IL10RB: variants seen among roughly 807,000 people sequenced by gnomAD.
IL10RB encodes interleukin-10 receptor subunit beta.
In IL10RB, 30 loss-of-function variants were observed where a neutral mutation model predicts 38.7. That is an observed-to-expected ratio of 0.78 (90% CI 0.58 to 1.05). The LOEUF (loss-of-function observed/expected upper bound fraction) is 1.05. Ranked by LOEUF, IL10RB falls within the 50% of genes least tolerant of loss-of-function variation. The pLI, the probability that IL10RB is intolerant of heterozygous loss-of-function variation, is 0.00. For synonymous variants in IL10RB, 142 were observed against 145.9 expected, an observed-to-expected ratio of 0.97 and a Z score of 0.19; for missense variants, 328 against 397.1, an observed-to-expected ratio of 0.83 and a Z score of 1.48.
chr21:33,289,443 G>GT (rs397814649), intron 6 of IL10RB, among the ~76,000 whole-genome samples: 2 of 76 alleles, frequency 0.026, no homozygotes, highest in African/African-American at 0.1. Context: ...TTCCTCCGCT[G>GT]CCCTGAGGGC....
intron 6 of IL10RB, 103 bp downstream of exon 6, chr21:33,288,364 A>G (rs1989416644): frequency 1.1e-6 from 1 of 925,862 alleles, no homozygotes; most frequent in Admixed American, 1.8e-5. Context: ...TTTCCAGGAA[A>G]ACACACACGC....
chr21:33,267,691 T>A (rs1988993815), intron 1 of IL10RB, among the ~76,000 whole-genome samples: 1 of 151,942 alleles, frequency 6.6e-6, no homozygotes, highest in Admixed American at 6.6e-5. Context: ...AATTTTTGTA[T>A]TTTTATTGGA....
chr21:33,303,350 C>CTTTTTTTTTTTT (rs11340111), intron 1 of IL10RB, among the ~76,000 whole-genome samples: 1 of 109,972 alleles, frequency 9.1e-6, no homozygotes, highest in Non-Finnish European at 1.8e-5. Flanking sequence ...CTGTTACTTT[C>CTTTTTTTTTTTT]TTTTTTTTTT....
At chr21:33,298,290 AC>A (rs1466923993), downstream of IL10RB, among the ~76,000 whole-genome samples, 1 of 151,108 alleles carries the variant, frequency 6.6e-6, no homozygotes, top group Non-Finnish European at 1.5e-5. Flanking sequence ...CTTTTTTGAA[AC>A]TTTTTTCAAT....
chr21:33,286,046 A>G (rs1989368312), intron 5 of IL10RB, among the ~76,000 whole-genome samples: 1 of 152,126 alleles, frequency 6.6e-6, no homozygotes, highest in Admixed American at 6.5e-5. Context: ...AGCTGGGGAG[A>G]TGGGAGGCCG....
At chr21:33,275,372 G>T (rs1989152714) in intron 2 of IL10RB, among the ~76,000 whole-genome samples, 1 of 151,942 alleles carries the variant, frequency 6.6e-6, no homozygotes, top group Non-Finnish European at 1.5e-5. Context: ...TGGTCAGGCT[G>T]GTCTTGAACT....
chr21:33,272,532 C>T (rs1016083582), intron 2 of IL10RB, among the ~76,000 whole-genome samples: 17 of 152,188 alleles, frequency 1.1e-4, no homozygotes, highest in Non-Finnish European at 1.8e-4. Context: ...CTGCAGCCTC[C>T]ACCTCCCAGG....
intron 6 of IL10RB, among the ~76,000 whole-genome samples, chr21:33,289,441 C>CG (rs1465341777): frequency 7.5e-3 from 1 of 134 alleles, no homozygotes; most frequent in Non-Finnish European, 0.019. Context: ...CCTTCCTCCG[C>CG]TGCCCTGAGG....
rs1415244544 is a variant in IL10RB at position 33,296,668 on chromosome 21, G to C, written c.*311G>C. 4.3e-6 allele frequency: 2 copies of C among 470,422 alleles called. No homozygotes were observed. Among genetic ancestry groups the C allele is most frequent in the Non-Finnish European group, 8.2e-6 (2 of 242,786 alleles). The allele number at this position is 470,422 out of a possible 1,614,324, so 29.1% of individuals were successfully genotyped here. ...TCATGTTTTAATTGTGAGAAACAGG[G>C]CCGAGCACAGTGGCTCACGCCTGTA... On this transcript the variant is annotated 3_prime_UTR_variant, in exon 7 of 7. Transcript: ENST00000290200.
At chr21:33,301,426 G>C (rs1376063141), downstream of IL10RB, among the ~76,000 whole-genome samples, 3 of 152,248 alleles carry the variant, frequency 2.0e-5, no homozygotes, top group Non-Finnish European at 4.4e-5. Context: ...CTGTTGGATT[G>C]TGATAAAAAA....
downstream of IL10RB, among the ~76,000 whole-genome samples, chr21:33,300,687 G>C (rs574392970): frequency 3.9e-5 from 6 of 152,270 alleles, no homozygotes; most frequent in African/African-American, 1.4e-4. Context: ...GTGGTGAATG[G>C]GATTAATGAC....
chr21:33,269,304 C>G (rs1989033370), intron 2 of IL10RB, among the ~76,000 whole-genome samples: 1 of 152,236 alleles, frequency 6.6e-6, no homozygotes, highest in South Asian at 2.1e-4. Flanking sequence ...ACATGCTGGA[C>G]TGCAGGTGAC....
intron 2 of IL10RB, among the ~76,000 whole-genome samples, chr21:33,270,303 T>C (rs1471839603): frequency 6.6e-6 from 1 of 152,148 alleles, no homozygotes; most frequent in Non-Finnish European, 1.5e-5. Flanking sequence ...CTGTGGAAAA[T>C]TAAATTTCTT....
chr21:33,288,796 A>G (rs1452203624), intron 6 of IL10RB, among the ~76,000 whole-genome samples: 6 of 152,244 alleles, frequency 3.9e-5, no homozygotes, highest in Non-Finnish European at 8.8e-5. Context: ...CACCTGACTA[A>G]TGATAACAGG....
rs368740217 is a variant in IL10RB, at chr21:33,288,195, G to C, written c.738G>C (p.Trp246Cys). The change falls in exon 6 of 7, where the codon TGG becomes TGC. Residue 246 changes from tryptophan to cysteine, a missense_variant. Physicochemically the swap from Trp to Cys is radical, Grantham distance 215. Transcript: ENST00000290200. ...TCCTCGGCTGCTTCGCCTTGCTGTG[G>C]TGCGTTTACAAGAAGACAAAGTACG... ...LALLGCFALL[W>C]CVYKKTKYAF... 1.2e-6 allele frequency: 2 copies of C among 1,613,970 alleles called. No homozygotes were observed. Among genetic ancestry groups the C allele is most frequent in the Middle Eastern group, 1.6e-4 (1 of 6,084 alleles).
intron 1 of IL10RB, among the ~76,000 whole-genome samples, chr21:33,266,885 T>C (rs1404948531): frequency 6.6e-6 from 1 of 152,020 alleles, no homozygotes; most frequent in Admixed American, 6.5e-5. Flanking sequence ...CTGGAGACTA[T>C]CAGTTCAAGT....
At chr21:33,308,133 A>G (rs2083003229) in intron 1 of IL10RB, 1 of 152,186 alleles carries the variant, frequency 6.6e-6, no homozygotes. Flanking sequence ...AATTATGTAT[A>G]CATATATACT....
At position 33,279,928 on chromosome 21, in the gene IL10RB, G is replaced by C; in HGVS notation, c.498+10G>C. ...CGGTACTGATGAAAAGGTAAGGTTG[G>C]CTAATTGCATTTCAGAGGTAGTAGG... On this transcript the variant is annotated intron_variant, in intron 4 of 6. Transcript: ENST00000290200. The C allele has an allele frequency of 6.2e-7, 1 of 1,611,804 alleles. No individual in the cohort carries two copies. Among genetic ancestry groups the C allele is most frequent in the Admixed American group, 1.7e-5 (1 of 60,014 alleles).
chr21:33,299,709 A>G (rs7277903), downstream of IL10RB, among the ~76,000 whole-genome samples: 34,189 of 152,094 alleles, frequency 0.22, 4,019 homozygotes, highest in East Asian at 0.39. Flanking sequence ...ACCATGACCA[A>G]TGAATTTCAG....
Sources: allele counts gnomAD v4.1 joint callset (sites outside exome capture counted in the v4.1 genomes callset), GRCh38; gene constraint gnomAD v4.1.1; transcripts MANE v1.5; gene names NCBI Gene and HGNC (gene_info 2026-07-23, HGNC 2026-07-21).